Variants in UNC5C observed in about 807,000 individuals in gnomAD.
The protein encoded by UNC5C is unc-5 netrin receptor C.
A neutral mutation model predicts 99.8 loss-of-function variants in UNC5C; 47 were observed. The observed-to-expected ratio is 0.47, with a 90% CI of 0.37 to 0.60. UNC5C has a LOEUF of 0.60. Ranked by LOEUF, UNC5C falls within the 20% of genes least tolerant of loss-of-function variation. The probability of loss-of-function intolerance (pLI) is 0.00; values close to 1 mark genes in which losing one functional copy is unlikely to be tolerated. For synonymous variants in UNC5C, 487 were observed against 452.2 expected (o/e 1.08, Z -0.98); for missense variants, 1,062 against 1,165.9 (o/e 0.91, Z 1.30).
intron 1 of UNC5C, among the ~76,000 whole-genome samples, chr4:95,428,371 T>G (rs1217833329): frequency 1.3e-5 from 2 of 152,200 alleles, no homozygotes; most frequent in Non-Finnish European, 2.9e-5. Flanking sequence ...ATGCTGCCAA[T>G]TAATCTGCAA....
At chr4:95,458,552 T>C (rs999352160) in intron 1 of UNC5C, among the ~76,000 whole-genome samples, 3 of 152,042 alleles carry the variant, frequency 2.0e-5, no homozygotes, top group African/African-American at 7.2e-5. Flanking sequence ...TTGATAGCCT[T>C]CCTTACCAGA....
intron 2 of UNC5C, among the ~76,000 whole-genome samples, chr4:95,303,212 A>G (rs2149404751): frequency 6.6e-6 from 1 of 152,316 alleles, no homozygotes; most frequent in South Asian, 2.1e-4. Flanking sequence ...GAGCAGCTTC[A>G]TCAGTATCAC....
chr4:95,530,860 A>G (rs898414367), intron 1 of UNC5C, among the ~76,000 whole-genome samples: 17 of 152,336 alleles, frequency 1.1e-4, no homozygotes, highest in Non-Finnish European at 2.2e-4. Flanking sequence ...ATATTTGGTC[A>G]TATATGAATA....
intron 1 of UNC5C, among the ~76,000 whole-genome samples, chr4:95,369,889 C>T (rs922631965): frequency 4.6e-5 from 7 of 151,550 alleles, no homozygotes; most frequent in African/African-American, 1.7e-4. Flanking sequence ...TTTGTAGCCC[C>T]CCCTTTTTTT....
chr4:95,475,218 G>A (rs1748105481), intron 1 of UNC5C, among the ~76,000 whole-genome samples: 1 of 151,956 alleles, frequency 6.6e-6, no homozygotes, highest in Admixed American at 6.6e-5. Flanking sequence ...CTCTCCTCTT[G>A]ACTAAGATGA....
chr4:95,412,426 G>GT (rs113789755), intron 1 of UNC5C, among the ~76,000 whole-genome samples: 2,170 of 152,164 alleles, frequency 0.014, 58 homozygotes, highest in African/African-American at 0.049. Context: ...CTCATGTTAG[G>GT]TCCCCTCCAA....
intron 1 of UNC5C, among the ~76,000 whole-genome samples, chr4:95,443,275 G>A (rs1747003663): frequency 6.6e-6 from 1 of 152,114 alleles, no homozygotes; most frequent in African/African-American, 2.4e-5. Context: ...GCCAGGCAAG[G>A]GACATCTTAG....
At chr4:95,479,247 T>C (rs148912926) in intron 1 of UNC5C, among the ~76,000 whole-genome samples, 1 of 152,128 alleles carries the variant, frequency 6.6e-6, no homozygotes, top group Non-Finnish European at 1.5e-5. Flanking sequence ...ATTTCAAATA[T>C]TATATTCCAT....
chr4:95,370,742 C>T (rs961423477), intron 1 of UNC5C, among the ~76,000 whole-genome samples: 1 of 152,126 alleles, frequency 6.6e-6, no homozygotes, highest in African/African-American at 2.4e-5. Flanking sequence ...ATGTAATTAC[C>T]GCGTACAGGT....
chr4:95,183,118 C>T, intron 13 of UNC5C, 57 bp from the exon 14 acceptor site: 1 of 1,535,924 alleles, frequency 6.5e-7, no homozygotes, highest in Admixed American at 1.7e-5. Flanking sequence ...AAATAACTCT[C>T]AGATGGTCTG....
rs1369819093 is a variant in UNC5C, at chr4:95,412,235, C to T, written c.125-76604G>A. On this transcript the variant is annotated intron_variant, in intron 1 of 15. Coordinates refer to ENST00000453304, the MANE Select transcript of UNC5C (RefSeq NM_003728.4). ...GTTCGTACCTGTTTCTCCATCTTCT[C>T]CAAACTACCCTTCTCAATCCTCTTC... 2.0e-5 allele frequency among the ~76,000 whole-genome samples: 3 copies of T among 152,098 alleles called. No homozygotes were observed. In the East Asian group the frequency reaches 5.8e-4, roughly 29 times the overall value.
At chr4:95,288,214 C>T (rs1016982941) in intron 3 of UNC5C, among the ~76,000 whole-genome samples, 5 of 152,054 alleles carry the variant, frequency 3.3e-5, no homozygotes, top group Admixed American at 2.6e-4. Flanking sequence ...TCCCGAGTAG[C>T]TGGGACTACA....
At position 95,185,031 on chromosome 4, in the gene UNC5C, G is replaced by A. The variant is rs558811929; in HGVS notation, c.2286+16C>T. ...AGAGATGTCTCCAGACCTTTTGTTC[G>A]GCTTGGGAACCTTACCTGATATTTA... is the stretch of plus-strand genomic sequence containing the variant. On this transcript the variant is annotated intron_variant, in intron 13 of 15. Coordinates refer to ENST00000453304, the MANE Select transcript of UNC5C (RefSeq NM_003728.4). 16 of 1,601,310 alleles carry A rather than the reference G, an allele frequency of 1.0e-5. No individual in the cohort carries two copies. Among genetic ancestry groups the A allele is most frequent in the Middle Eastern group, 1.7e-4 (1 of 5,972 alleles).
At chr4:95,191,249 GTC>G (rs1187295083) in intron 12 of UNC5C, among the ~76,000 whole-genome samples, 1 of 152,150 alleles carries the variant, frequency 6.6e-6, no homozygotes, top group African/African-American at 2.4e-5. Context: ...TTCTCTTGTT[GTC>G]TCTCTGCCTG....
intron 1 of UNC5C, among the ~76,000 whole-genome samples, chr4:95,451,528 G>T (rs995586700): frequency 3.3e-5 from 5 of 152,046 alleles, no homozygotes; most frequent in Non-Finnish European, 7.4e-5. Flanking sequence ...TAGAGAAATT[G>T]GAAATTCTCA....
intron 12 of UNC5C, among the ~76,000 whole-genome samples, chr4:95,188,191 G>A (rs941875722): frequency 1.3e-5 from 2 of 152,132 alleles, no homozygotes; most frequent in African/African-American, 4.8e-5. Context: ...GGCTCAGACA[G>A]CTTGTCCTTT....
intron 10 of UNC5C, among the ~76,000 whole-genome samples, chr4:95,212,642 C>A (rs1028565656): frequency 6.6e-6 from 1 of 152,122 alleles, no homozygotes; most frequent in Non-Finnish European, 1.5e-5. Context: ...CCTTCCTTGC[C>A]GTGACTTCAC....
At chr4:95,197,909 C>T (rs928863303) in intron 12 of UNC5C, among the ~76,000 whole-genome samples, 2 of 151,036 alleles carry the variant, frequency 1.3e-5, no homozygotes, top group Non-Finnish European at 2.9e-5. Flanking sequence ...AGCGAGTTTG[C>T]TGCCCATACG....
chr4:95,362,162 T>A (rs1378751736), intron 1 of UNC5C, among the ~76,000 whole-genome samples: 1 of 152,108 alleles, frequency 6.6e-6, no homozygotes, highest in Non-Finnish European at 1.5e-5. Flanking sequence ...TTTTTCCTTT[T>A]TCTATCATCT....
Sources: gnomAD v4.1 joint callset for allele counts (sites outside exome capture counted in the v4.1 genomes callset) on GRCh38, gnomAD v4.1.1 for gene constraint, MANE v1.5 for transcripts, NCBI Gene and HGNC (gene_info 2026-07-23, HGNC 2026-07-21) for gene names.